The following MKS1 variants were observed in gnomAD, a reference collection of about 807,000 sequenced individuals.
MKS1 encodes tectonic-like complex member MKS1.
A neutral mutation model predicts 83.7 loss-of-function variants in MKS1; 70 were observed. The ratio of observed to expected loss-of-function variants is 0.84; its 90% confidence interval spans 0.69 to 1.02. MKS1 has a LOEUF of 1.02. Ranked by LOEUF, MKS1 falls within the 50% of genes least tolerant of loss-of-function variation. The probability of loss-of-function intolerance (pLI) is 0.00; values close to 1 mark genes in which losing one functional copy is unlikely to be tolerated. For synonymous variants in MKS1, 251 were observed against 273.4 expected (o/e 0.92, Z 0.81); for missense variants, 681 against 726.9 (o/e 0.94, Z 0.73).
At chr17:58,210,519 G>A in intron 11 of MKS1, 140 bp downstream of exon 11, 2 of 882,000 alleles carry the variant, frequency 2.3e-6, no homozygotes, top group Admixed American at 1.9e-5. Flanking sequence ...TCTCCACTGG[G>A]TTTGGTAAAG....
intron 4 of MKS1, chr17:58,215,691 C>T: frequency 4.0e-6 from 1 of 250,586 alleles, no homozygotes; most frequent in Non-Finnish European, 7.9e-6. Context: ...TACTGAATTC[C>T]TCTTCAAACC....
At chr17:58,214,422 A>C (rs1461522483) in intron 5 of MKS1, 35 bp from the exon 6 acceptor site, 13 of 1,612,250 alleles carry the variant, frequency 8.1e-6, no homozygotes, top group Non-Finnish European at 1.1e-5. Flanking sequence ...CTTCCCTGGC[A>C]CACCCCAATG....
At chr17:58,214,566 G>C (rs551287960) in intron 5 of MKS1, among the ~76,000 whole-genome samples, 175 bp downstream of exon 5, 1 of 152,164 alleles carries the variant, frequency 6.6e-6, no homozygotes, top group African/African-American at 2.4e-5. Context: ...AGGCACTTTG[G>C]AAAAATGTCC....
Position 58,218,715 on chromosome 17 carries a change from C to A in MKS1, c.95G>T (p.Arg32Ile), listed in dbSNP as rs1969409139. ...RNLRLRVHLQ[R>I]ITSSNFLHYQ... ...ATGAAGAAAGTTGCTTGATGTGATT[C>A]TTTGCAGGTGGACTCTGTCAAGAAA... The change falls in exon 2 of 18, where the codon AGA (arginine) becomes ATA (isoleucine). Residue 32 changes from arginine (R) to isoleucine (I), a missense_variant. By Grantham distance (97) the Arg-to-Ile change is moderately conservative. This residue lies in a region of MKS1 where 365 missense variants were observed against 383.8 expected (regional missense o/e 0.95). Coordinates refer to ENST00000393119, the MANE Select transcript of MKS1 (RefSeq NM_017777.4). 1.9e-6 allele frequency: 3 copies of A among 1,613,840 alleles called. No individual in the cohort carries two copies. Among genetic ancestry groups the A allele is most frequent in the Middle Eastern group, 3.3e-4 (2 of 6,060 alleles).
rs1423275977 is a variant in MKS1, at chr17:58,214,337, T to C, written c.566A>G (p.Glu189Gly). Residue 189 changes from glutamate (E) to glycine (G), a missense_variant, in exon 6 of 18, where the codon GAG becomes GGG. By Grantham distance (98) the Glu-to-Gly change is moderately conservative. Around this residue, in one of 3 missense-constraint regions of MKS1, gnomAD observed 365 missense variants for 383.8 expected, o/e 0.95. Coordinates refer to ENST00000393119, the MANE Select transcript of MKS1 (RefSeq NM_017777.4). ...SRIVTWEPSEEFVRNNHVINT... is the reference protein window; with the variant it reads ...SRIVTWEPSEGFVRNNHVINT... ...AATGACGTGGTTGTTCCTGACAAAC[T>C]CTTCTGAGGGCTCCCAGGTGACGAT... 1.2e-6 allele frequency: 2 copies of C among 1,613,962 alleles called. No individual in the cohort carries two copies. The highest frequency in any genetic ancestry group is 1.7e-6 in the Non-Finnish European group (2 of 1,180,026).
chr17:58,212,869 GC>G lies in MKS1; in HGVS notation c.858+112del, dbSNP rs1968954913. ...AGCAATGCTGCCTAAGTCAGAAGGG[GC>G]CATGAAGGGCAAGGCTTTTCCCGAG... On this transcript the variant is annotated intron_variant, in intron 8 of 17. Coordinates refer to ENST00000393119, the MANE Select transcript of MKS1 (RefSeq NM_017777.4). The G allele has an allele frequency of 5.1e-6, 5 of 974,556 alleles. No individual in the cohort carries two copies. The Admixed American group carries it at 8.7e-5, about 17-fold the overall frequency. 60.4% of individuals were successfully genotyped at this position (974,556 alleles called of 1,614,324 possible). A position where few individuals can be genotyped will look rare whatever the true frequency, so the allele number is the denominator to read the frequency against.
At chr17:58,218,259 T>C (rs962501110) in intron 2 of MKS1, among the ~76,000 whole-genome samples, 12 of 151,558 alleles carry the variant, frequency 7.9e-5, no homozygotes, top group Admixed American at 2.6e-4. Flanking sequence ...CAATCCTGGC[T>C]AACACGGTGA....
At chr17:58,208,991 T>C (rs1230649989) in intron 11 of MKS1, among the ~76,000 whole-genome samples, 1 of 152,196 alleles carries the variant, frequency 6.6e-6, no homozygotes, top group Non-Finnish European at 1.5e-5. Context: ...GGTAAGGTTA[T>C]AGATTAACAG....
chr17:58,212,565 C>A, intron 8 of MKS1, 131 bp from the exon 9 acceptor site: 1 of 964,340 alleles, frequency 1.0e-6, no homozygotes, highest in Non-Finnish European at 1.6e-6. Context: ...CCTGACTCAC[C>A]GCCATTTTAC....
At chr17:58,207,332 G>T (rs1015598859) in intron 14 of MKS1, 114 bp from the exon 15 acceptor site, 6 of 1,435,560 alleles carry the variant, frequency 4.2e-6, no homozygotes, top group Non-Finnish European at 5.8e-6. Context: ...GTCTGGTGAT[G>T]ACCTGGCCTC....
Position 58,205,804 on chromosome 17 carries a change from A to G in MKS1, c.*275T>C, listed in dbSNP as rs1399067420. On this transcript the variant is annotated 3_prime_UTR_variant, in exon 18 of 18. Transcript: ENST00000393119. ...GACTCACTATGGGGTCACCCCAAACAGCTTCAGATCAAAAAGCCTGCCTTG... is the reference window on the plus strand; with the variant it reads ...GACTCACTATGGGGTCACCCCAAACGGCTTCAGATCAAAAAGCCTGCCTTG... 19 of 1,436,750 alleles carry G rather than the reference A, an allele frequency of 1.3e-5. No homozygotes were observed. The highest frequency in any genetic ancestry group is 1.7e-5 in the Non-Finnish European group (19 of 1,086,928). The allele number at this position is 1,436,750 out of a possible 1,614,324, so 89.0% of individuals were successfully genotyped here.
chr17:58,209,742 G>A lies in MKS1; in HGVS notation c.1024+917C>T, dbSNP rs1968761407. Among the ~76,000 whole-genome samples, 1 of 152,196 alleles carries A rather than the reference G, an allele frequency of 6.6e-6. No individual in the cohort carries two copies. ...GTTTACATTTTACTCTAAGTGGGAG[G>A]GGAAGCTGTTGGGGTTTTCAGCTCA... On this transcript the variant is annotated intron_variant, in intron 11 of 17. Transcript: ENST00000393119. This position sits in a 1 kb window ranked among gnomAD's most constrained non-coding sequence, Gnocchi z 4.1.
chr17:58,207,066 C>A lies in MKS1; in HGVS notation c.1407+19G>T. The A allele has an allele frequency of 6.2e-7, 1 of 1,614,172 alleles. No homozygotes were observed. The highest frequency in any genetic ancestry group is 8.5e-7 in the Non-Finnish European group (1 of 1,180,014). The stretch of plus-strand genomic sequence containing the variant: ...ACCATAAGTTCTCAGCGTGAAGTCA[C>A]TCCAAAGACAAAAGTCACCTTGAAG... On this transcript the variant is annotated intron_variant, in intron 15 of 17. Transcript: ENST00000393119.
rs1968818355 is a variant in MKS1 at position 58,210,654 on chromosome 17, C to T, written c.1024+5G>A. 6.2e-7 allele frequency: 1 copy of T among 1,612,512 alleles called. No individual in the cohort carries two copies. The highest frequency in any genetic ancestry group is 8.5e-7 in the Non-Finnish European group (1 of 1,178,568). ...TAAAAGGAGAGACTTAAGAATATTA[C>T]TTACGAGCAGTTGGCAATTCTACAA... On this transcript the variant is annotated splice_donor_5th_base_variant and intron_variant, in intron 11 of 17. Coordinates refer to ENST00000393119, the MANE Select transcript of MKS1 (RefSeq NM_017777.4).
rs754729482 is a variant in MKS1, at chr17:58,219,208, G to A, written c.23C>T (p.Thr8Ile). 5 of 1,551,090 alleles carry A rather than the reference G, an allele frequency of 3.2e-6. No individual in the cohort carries two copies. The highest frequency in any genetic ancestry group is 2.4e-5 in the East Asian group (1 of 40,926). Residue 8 changes from threonine (T) to isoleucine (I), a missense_variant, in exon 1 of 18, where the codon ACT (threonine) becomes ATT (isoleucine). Physicochemically the swap from Thr to Ile is moderately conservative, Grantham distance 89. Transcript: ENST00000393119. ...GCGATACACTGCCTCCCCGGTGTCAGTGCTCCAGACGGTCTCCGCCATGAC... is the reference window on the plus strand; with the variant it reads ...GCGATACACTGCCTCCCCGGTGTCAATGCTCCAGACGGTCTCCGCCATGAC... MAETVWS[T>I]DTGEAVYRSR...
At chr17:58,211,081 T>A in intron 9 of MKS1, 59 bp from the exon 10 acceptor site, 1 of 1,561,220 alleles carries the variant, frequency 6.4e-7, no homozygotes, top group Non-Finnish European at 8.8e-7. Flanking sequence ...GCACTTCTCC[T>A]CCAGCCCCAT....
chr17:58,212,377 C>CCATCTCA lies in MKS1; in HGVS notation c.909_915dup (p.Thr306Ter). ...GTGCTGCAGGAAGCCAAGCTACTCA[C>CCATCTCA]CATCTCAAAGTCGGTGCCTACGAGG... On this transcript the variant is annotated stop_gained and frameshift_variant and splice_region_variant. Coordinates refer to ENST00000393119, the MANE Select transcript of MKS1 (RefSeq NM_017777.4). LOFTEE classifies it high-confidence loss of function. 6.2e-7 allele frequency: 1 copy of CCATCTCA among 1,614,246 alleles called. No individual in the cohort carries two copies. The highest frequency in any genetic ancestry group is 8.5e-7 in the Non-Finnish European group (1 of 1,180,040).
intron 4 of MKS1, 53 bp from the exon 5 acceptor site, chr17:58,214,891 C>T: frequency 1.3e-6 from 2 of 1,559,416 alleles, no homozygotes; most frequent in Non-Finnish European, 8.6e-7. Flanking sequence ...CCACATGGAG[C>T]CAAGTACCTG....
chr17:58,208,419 C>G (rs1968664898), intron 12 of MKS1, 94 bp downstream of exon 12: 1 of 1,437,548 alleles, frequency 7.0e-7, no homozygotes, highest in Non-Finnish European at 9.7e-7. Flanking sequence ...GGAATCCTCC[C>G]CAGGGCGCAC....
Sources: allele counts gnomAD v4.1 joint callset (sites outside exome capture counted in the v4.1 genomes callset), GRCh38; gene constraint gnomAD v4.1.1; regional missense constraint gnomAD v4.1.1; non-coding constraint Gnocchi (gnomAD v3.1); transcripts MANE v1.5; gene names NCBI Gene and HGNC (gene_info 2026-07-23, HGNC 2026-07-21).